The following CADPS2 variants were observed in gnomAD, a reference collection of about 807,000 sequenced individuals.
The protein encoded by CADPS2 is calcium-dependent secretion activator 2.
Under a neutral mutation model 172.5 loss-of-function variants are expected in CADPS2, and 93 were observed. That is an observed-to-expected ratio of 0.54 (90% CI 0.46 to 0.64). CADPS2 has a LOEUF of 0.64. Among genes scored for constraint, CADPS2 ranks in the 30% least tolerant of loss-of-function variants. The pLI, the probability that CADPS2 is intolerant of heterozygous loss-of-function variation, is 0.00. For synonymous variants in CADPS2, 546 were observed against 555.2 expected, an observed-to-expected ratio of 0.98 and a Z score of 0.23; for missense variants, 1,420 against 1,565.9, an observed-to-expected ratio of 0.91 and a Z score of 1.57.
intron 1 of CADPS2, among the ~76,000 whole-genome samples, chr7:122,812,106 T>C (rs1800145949): frequency 6.6e-6 from 1 of 152,070 alleles, no homozygotes. Context: ...CTACTTGTCC[T>C]AATGTCTTCC....
At chr7:122,747,344 A>G (rs984973611) in intron 1 of CADPS2, among the ~76,000 whole-genome samples, 25 of 152,090 alleles carry the variant, frequency 1.6e-4, no homozygotes, top group African/African-American at 6.0e-4. Flanking sequence ...CGTCCTACAA[A>G]ATAGAAAACA....
intron 1 of CADPS2, among the ~76,000 whole-genome samples, chr7:122,851,913 G>A (rs924933477): frequency 1.3e-5 from 2 of 152,108 alleles, no homozygotes; most frequent in Non-Finnish European, 2.9e-5. Context: ...TTACTGTATA[G>A]ACTATTTAAA....
At chr7:122,674,427 T>C (rs150000251) in intron 2 of CADPS2, among the ~76,000 whole-genome samples, 2 of 152,316 alleles carry the variant, frequency 1.3e-5, no homozygotes, top group African/African-American at 4.8e-5. Context: ...AATTTTAACT[T>C]ACATACAGCC....
chr7:122,759,287 T>C (rs1163499161), intron 1 of CADPS2, among the ~76,000 whole-genome samples: 1 of 152,104 alleles, frequency 6.6e-6, no homozygotes, highest in Non-Finnish European at 1.5e-5. Flanking sequence ...ACAGTTATTG[T>C]ATCAAAAAGG....
At chr7:122,759,148 G>C (rs1245211105) in intron 1 of CADPS2, among the ~76,000 whole-genome samples, 1 of 152,126 alleles carries the variant, frequency 6.6e-6, no homozygotes, top group Non-Finnish European at 1.5e-5. Context: ...ACAGTCCATA[G>C]TTTTAGCAGC....
At chr7:122,707,150 C>T (rs180698534) in intron 2 of CADPS2, among the ~76,000 whole-genome samples, 152 of 151,920 alleles carry the variant, frequency 1.0e-3, no homozygotes, top group African/African-American at 3.1e-3. Context: ...TAATACTTAA[C>T]CATTAACCGC....
intron 17 of CADPS2, among the ~76,000 whole-genome samples, chr7:122,430,897 A>G (rs182293570): frequency 1.3e-5 from 2 of 152,348 alleles, no homozygotes; most frequent in Non-Finnish European, 2.9e-5. Flanking sequence ...GAAGAGAACT[A>G]TGATGATGGA....
intron 25 of CADPS2, among the ~76,000 whole-genome samples, chr7:122,376,465 T>G (rs7800921): frequency 0.75 from 113,626 of 152,056 alleles, 43,104 homozygotes; most frequent in African/African-American, 0.87. Flanking sequence ...TGTGAAATAA[T>G]TCAGACACAG....
chr7:122,517,259 T>C (rs1245729677), intron 8 of CADPS2, among the ~76,000 whole-genome samples: 1 of 152,158 alleles, frequency 6.6e-6, no homozygotes, highest in Non-Finnish European at 1.5e-5. Flanking sequence ...CTAAGCAATA[T>C]ATTCCATTGT....
At chr7:122,700,795 T>C (rs2085928294) in intron 2 of CADPS2, among the ~76,000 whole-genome samples, 1 of 152,110 alleles carries the variant, frequency 6.6e-6, no homozygotes, top group African/African-American at 2.4e-5. Context: ...TCTGCTACCA[T>C]AGCTGAGTCA....
At chr7:122,809,480 C>T (rs902275780) in intron 1 of CADPS2, among the ~76,000 whole-genome samples, 3 of 150,818 alleles carry the variant, frequency 2.0e-5, no homozygotes, top group African/African-American at 7.3e-5. Context: ...ACTCGGGAGG[C>T]TGAGGCAGAG....
At chr7:122,682,358 T>C (rs2083148189) in intron 2 of CADPS2, among the ~76,000 whole-genome samples, 1 of 152,218 alleles carries the variant, frequency 6.6e-6, no homozygotes, top group Non-Finnish European at 1.5e-5. Flanking sequence ...TTCCACGCCA[T>C]ATTTTCAGCC....
intron 25 of CADPS2, chr7:122,369,503 A>G (rs931360687): frequency 2.0e-5 from 3 of 152,206 alleles, no homozygotes; most frequent in African/African-American, 7.2e-5. Flanking sequence ...GCCTGAGAAC[A>G]GTGGCTGCTG....
At chr7:122,597,426 G>A (rs1048370634) in intron 6 of CADPS2, among the ~76,000 whole-genome samples, 14 of 152,084 alleles carry the variant, frequency 9.2e-5, no homozygotes, top group Non-Finnish European at 4.4e-5. Context: ...CAGTGTACAT[G>A]TTGAAATCCC....
chr7:122,473,959 T>C (rs1014735959), intron 13 of CADPS2, among the ~76,000 whole-genome samples: 3 of 152,194 alleles, frequency 2.0e-5, no homozygotes, highest in Non-Finnish European at 4.4e-5. Context: ...GCCACTTAGG[T>C]TGTCCTTCTA....
At chr7:122,654,648 C>A (rs755721682) in intron 3 of CADPS2, among the ~76,000 whole-genome samples, 2 of 152,172 alleles carry the variant, frequency 1.3e-5, no homozygotes, top group Non-Finnish European at 2.9e-5. Flanking sequence ...TGACAATGCA[C>A]TTAGTAACCC....
At chr7:122,392,341 C>T (rs2044474750) in intron 22 of CADPS2, among the ~76,000 whole-genome samples, 1 of 149,608 alleles carries the variant, frequency 6.7e-6, no homozygotes, top group Non-Finnish European at 1.5e-5. Context: ...CTAGGATATG[C>T]CAATAGTACT....
intron 3 of CADPS2, among the ~76,000 whole-genome samples, chr7:122,651,993 G>A (rs987062609): frequency 1.3e-5 from 2 of 152,044 alleles, no homozygotes; most frequent in Admixed American, 6.6e-5. Flanking sequence ...AGTAGTCAAC[G>A]ATGTGAAGTT....
In CADPS2 at chr7:122,417,548, A is replaced by G. The variant is rs117063956; in HGVS notation, c.2477-1384T>C. On this transcript the variant is annotated intron_variant, in intron 17 of 29. Coordinates refer to ENST00000449022, the MANE Select transcript of CADPS2 (RefSeq NM_017954.11). ...CTACTGAAAAGATCCATAGACATGAATGATCAAATGTTTCATCTGTTTCAT... is the reference window on the plus strand; with the variant it reads ...CTACTGAAAAGATCCATAGACATGAGTGATCAAATGTTTCATCTGTTTCAT... Among the ~76,000 whole-genome samples, 23 of 152,312 alleles carry G rather than the reference A, an allele frequency of 1.5e-4. No individual in the cohort carries two copies. The East Asian group carries it at 4.4e-3, about 29-fold the overall frequency.
Sources: allele counts gnomAD v4.1 joint callset (sites outside exome capture counted in the v4.1 genomes callset), GRCh38; gene constraint gnomAD v4.1.1; transcripts MANE v1.5; gene names NCBI Gene and HGNC (gene_info 2026-07-23, HGNC 2026-07-21).